The following LOC128462377 variants were observed in gnomAD, a reference collection of about 807,000 sequenced individuals.
chr16:89,407,478 G>A, the LOC128462377 span, among the ~76,000 whole-genome samples: 9 of 152,112 alleles, frequency 5.9e-5, no homozygotes, highest in African/African-American at 1.9e-4. Flanking sequence ...AAGGAACCAC[G>A]TTCGCCTCGT....
the LOC128462377 span, among the ~76,000 whole-genome samples, chr16:89,334,046 TCAAGCCTGTAAAACAAG>T: frequency 1.4e-5 from 2 of 147,368 alleles, no homozygotes; most frequent in African/African-American, 5.1e-5. Context: ...GTGCAGTGGC[TCAAGCCTGTAAAACAAG>T]CACTTTGGAA....
the LOC128462377 span, among the ~76,000 whole-genome samples, chr16:89,398,105 C>T: frequency 4.0e-5 from 6 of 151,278 alleles, no homozygotes; most frequent in African/African-American, 1.2e-4. Context: ...GTAACCTCAG[C>T]GCTCTGGGAG....
chr16:89,375,896 C>T, the LOC128462377 span, among the ~76,000 whole-genome samples: 3 of 152,166 alleles, frequency 2.0e-5, no homozygotes. Context: ...TGGCAGTGCT[C>T]CCAAGAAGCA....
At chr16:89,409,305 C>T in the LOC128462377 span, among the ~76,000 whole-genome samples, 1 of 152,206 alleles carries the variant, frequency 6.6e-6, no homozygotes, top group African/African-American at 2.4e-5. Flanking sequence ...CAAACCCCCA[C>T]AGGTTCTAGC....
At chr16:89,366,015 T>C in the LOC128462377 span, among the ~76,000 whole-genome samples, 1 of 151,728 alleles carries the variant, frequency 6.6e-6, no homozygotes. Context: ...CCAGGCTCTA[T>C]CCATGTTCCA....
chr16:89,399,602 G>A, the LOC128462377 span, among the ~76,000 whole-genome samples: 13 of 152,064 alleles, frequency 8.5e-5, 1 homozygote, highest in South Asian at 2.1e-3. Context: ...ATCAGGATAC[G>A]TTCATCCAAC....
At chr16:89,326,369 G>A in the LOC128462377 span, among the ~76,000 whole-genome samples, 2 of 151,982 alleles carry the variant, frequency 1.3e-5, no homozygotes, top group South Asian at 2.1e-4. Context: ...AGAAGGGGAC[G>A]CAGCCACCGC....
chr16:89,323,404 C>CAGGGCAGGGGGGCTGAGCCG, the LOC128462377 span: 3 of 1,210,044 alleles, frequency 2.5e-6, no homozygotes, highest in East Asian at 1.2e-4. Context: ...GCAAGCAGCC[C>CAGGGCAGGGGGGCTGAGCCG]AGGGCAGGGG....
the LOC128462377 span, among the ~76,000 whole-genome samples, chr16:89,397,010 T>C: frequency 6.6e-6 from 1 of 151,776 alleles, no homozygotes; most frequent in Admixed American, 6.6e-5. Flanking sequence ...TTTTTTATAC[T>C]GGAAAATACA....
At chr16:89,341,933 T>C in the LOC128462377 span, among the ~76,000 whole-genome samples, 1 of 149,950 alleles carries the variant, frequency 6.7e-6, no homozygotes, top group Admixed American at 6.6e-5. Flanking sequence ...GCGGGAGTGC[T>C]GCACCTCCTC....
chr16:89,324,816 C>T, the LOC128462377 span: 21 of 283,016 alleles, frequency 7.4e-5, no homozygotes, highest in South Asian at 6.3e-5. Flanking sequence ...TTTGGGGACT[C>T]GGACTGGCTT....
the LOC128462377 span, among the ~76,000 whole-genome samples, chr16:89,377,268 GGAGAGA>G: frequency 3.3e-5 from 5 of 150,480 alleles, no homozygotes; most frequent in African/African-American, 7.3e-5. Flanking sequence ...TGTCAACATG[GGAGAGA>G]GAGAGAGAGA....
chr16:89,329,195 G>A, the LOC128462377 span, among the ~76,000 whole-genome samples: 1 of 152,238 alleles, frequency 6.6e-6, no homozygotes, highest in African/African-American at 2.4e-5. Flanking sequence ...CCGTGAGGAG[G>A]GCTCATGTCT....
the LOC128462377 span, among the ~76,000 whole-genome samples, chr16:89,351,472 C>G: frequency 2.6e-5 from 4 of 152,330 alleles, no homozygotes; most frequent in Non-Finnish European, 5.9e-5. Context: ...CACCAAATAA[C>G]TGATTCTCAT....
At chr16:89,317,075 T>C in the LOC128462377 span, 6 of 1,558,058 alleles carry the variant, frequency 3.9e-6, no homozygotes, top group Non-Finnish European at 5.2e-6. Flanking sequence ...TCATCAACCG[T>C]CTGCTTCAAA....
the LOC128462377 span, among the ~76,000 whole-genome samples, chr16:89,355,634 A>G: frequency 6.6e-6 from 1 of 152,210 alleles, no homozygotes; most frequent in Non-Finnish European, 1.5e-5. Context: ...CAGGATCAAA[A>G]GAAGGTCTCT....
At chr16:89,384,376 C>G in the LOC128462377 span, among the ~76,000 whole-genome samples, 1 of 152,118 alleles carries the variant, frequency 6.6e-6, no homozygotes, top group African/African-American at 2.4e-5. Context: ...ATGAAAAATA[C>G]AAAAATTAGC....
At chr16:89,330,341 G>A in the LOC128462377 span, among the ~76,000 whole-genome samples, 1 of 152,104 alleles carries the variant, frequency 6.6e-6, no homozygotes, top group African/African-American at 2.4e-5. Flanking sequence ...CCTGGCTCAG[G>A]ATGTGAGTCA....
the LOC128462377 span, among the ~76,000 whole-genome samples, chr16:89,403,187 C>T: frequency 6.6e-6 from 1 of 152,224 alleles, no homozygotes; most frequent in East Asian, 1.9e-4. Flanking sequence ...GTGGACCCCG[C>T]ACTCCCTAGG....
Sources: allele counts gnomAD v4.1 joint callset (sites outside exome capture counted in the v4.1 genomes callset), GRCh38; gene constraint gnomAD v4.1.1; transcripts MANE v1.5.